The following PLAGL2 variants were observed in gnomAD, a reference collection of about 807,000 sequenced individuals.
PLAGL2 encodes the protein zinc finger protein PLAGL2.
In PLAGL2, 7 loss-of-function variants were observed where a neutral mutation model predicts 29.0. The observed-to-expected ratio is 0.24, with a 90% CI of 0.14 to 0.45. PLAGL2 has a LOEUF of 0.45. Among genes scored for constraint, PLAGL2 ranks in the 20% least tolerant of loss-of-function variants. PLAGL2 has a pLI of 0.99. For synonymous variants in PLAGL2, 234 were observed against 266.0 expected (o/e 0.88, Z 1.17); for missense variants, 454 against 648.2 (o/e 0.70, Z 3.25).
rs1211560586 is a variant in PLAGL2, at chr20:32,194,497, C to T, written c.*1955G>A. ...ATATCTGGTGTTTTTAAAAAGGTAT[C>T]CCAAGCTACCCTGCCTAAATCAAAA... On this transcript the variant is annotated 3_prime_UTR_variant, in exon 3 of 3. Coordinates refer to ENST00000246229, the MANE Select transcript of PLAGL2 (RefSeq NM_002657.3). 6.6e-6 allele frequency: 1 copy of T among 152,618 alleles called. No individual in the cohort carries two copies. The highest frequency in any genetic ancestry group is 1.5e-5 in the Non-Finnish European group (1 of 68,038). The allele number at this position is 152,618 out of a possible 1,614,324, so 9.5% of individuals were successfully genotyped here. A position where few individuals can be genotyped will look rare whatever the true frequency, so the allele number is the denominator to read the frequency against.
At chr20:32,204,498 G>A (rs921373768) in intron 1 of PLAGL2, among the ~76,000 whole-genome samples, 2 of 152,188 alleles carry the variant, frequency 1.3e-5, no homozygotes, top group Admixed American at 1.3e-4. Flanking sequence ...GCAGCCATGT[G>A]CTCACCTTGA....
intron 1 of PLAGL2, 23 bp from the exon 2 acceptor site, chr20:32,202,315 G>T: frequency 1.2e-6 from 1 of 810,172 alleles, no homozygotes; most frequent in Non-Finnish European, 2.0e-6. Context: ...AACACCTGGT[G>T]TTAGGGAGCC....
At chr20:32,198,513 A>T (rs1454904821) in intron 2 of PLAGL2, among the ~76,000 whole-genome samples, 5 of 152,100 alleles carry the variant, frequency 3.3e-5, no homozygotes, top group Non-Finnish European at 7.4e-5. Context: ...GGCAGCATGC[A>T]CCTGTAGTCC....
Position 32,202,226 on chromosome 20 carries a change from C to T in PLAGL2, c.-48G>A, listed in dbSNP as rs775683434. The T allele has an allele frequency of 1.3e-6, 2 of 1,594,476 alleles. No individual in the cohort carries two copies. The highest frequency in any genetic ancestry group is 2.7e-5 in the African/African-American group (2 of 74,526). On this transcript the variant is annotated 5_prime_UTR_variant, in exon 2 of 3. Transcript: ENST00000246229. ...CATGTTATTGAGAAAGCCTCCCCAT[C>T]CGCTCCACACAGGCTCTCAGCTCTG...
chr20:32,205,808 G>T (rs2047283472), intron 1 of PLAGL2, among the ~76,000 whole-genome samples: 1 of 152,182 alleles, frequency 6.6e-6, no homozygotes, highest in Non-Finnish European at 1.5e-5. Flanking sequence ...GTATTGAGTT[G>T]CATGTTTCCA....
intron 1 of PLAGL2, among the ~76,000 whole-genome samples, chr20:32,206,892 G>T (rs756950587): frequency 6.6e-6 from 1 of 152,186 alleles, no homozygotes; most frequent in African/African-American, 2.4e-5. Flanking sequence ...TCTGGGATGG[G>T]AAGGAAGAGC....
intron 1 of PLAGL2, among the ~76,000 whole-genome samples, chr20:32,203,835 T>C (rs957098065): frequency 3.9e-5 from 6 of 152,206 alleles, no homozygotes; most frequent in African/African-American, 7.2e-5. Context: ...CGATGTAATA[T>C]GATAAACACG....
intron 1 of PLAGL2, 38 bp downstream of exon 1, chr20:32,207,603 T>A (rs2047297072): frequency 1.3e-5 from 2 of 157,314 alleles, no homozygotes; most frequent in African/African-American, 4.8e-5. Flanking sequence ...CTCCCGCCCC[T>A]CTCCCCGCCG....
Position 32,202,172 on chromosome 20 carries a change from T to C in PLAGL2, c.7A>G (p.Thr3Ala). The C allele has an allele frequency of 1.2e-6, 2 of 1,614,070 alleles. No individual in the cohort carries two copies. The highest frequency in any genetic ancestry group is 2.2e-5 in the South Asian group (2 of 91,084). Residue 3 changes from threonine to alanine, a missense_variant, in exon 2 of 3, where the codon ACA becomes GCA. Thr to Ala is a moderately conservative substitution (Grantham distance 58). Coordinates refer to ENST00000246229, the MANE Select transcript of PLAGL2 (RefSeq NM_002657.3). MT[T>A]FFTSVPPWIQ... ...CAGGGGGGGACGCTGGTGAAAAATGTGGTCATGGCAAGGCTAATGGCAAAG... is the reference window on the plus strand; with the variant it reads ...CAGGGGGGGACGCTGGTGAAAAATGCGGTCATGGCAAGGCTAATGGCAAAG...
chr20:32,197,024 T>C lies in PLAGL2; in HGVS notation c.919A>G (p.Ser307Gly). ...ACCAGGGAGTGTGGCACGCCCGTGC[T>C]GGGCATGGTAGGGATGTGGGCACCA... ...MYGAHIPTMP[S>G]TGVPHSLVHN... The change falls in exon 3 of 3, where the codon AGC becomes GGC. Residue 307 changes from serine to glycine, a missense_variant. Transcript: ENST00000246229. The surrounding 1 kb of genome is among the most constrained non-coding windows in gnomAD (Gnocchi z 6.6). 1 of 1,614,152 alleles carries C rather than the reference T, an allele frequency of 6.2e-7. No individual in the cohort carries two copies. Among genetic ancestry groups the C allele is most frequent in the Non-Finnish European group, 8.5e-7 (1 of 1,179,980 alleles).
intron 1 of PLAGL2, among the ~76,000 whole-genome samples, chr20:32,203,928 T>C (rs957939160): frequency 2.0e-5 from 3 of 152,056 alleles, no homozygotes; most frequent in Admixed American, 2.0e-4. Context: ...TGGGGAGGGG[T>C]AGGTAGCACT....
chr20:32,201,198 T>C (rs2047257533), intron 2 of PLAGL2, among the ~76,000 whole-genome samples: 1 of 152,222 alleles, frequency 6.6e-6, no homozygotes, highest in Non-Finnish European at 1.5e-5. Context: ...CCAGAAGGTC[T>C]ACTTTTCCTT....
chr20:32,199,912 G>C (rs1600375422), intron 2 of PLAGL2, among the ~76,000 whole-genome samples: 1 of 152,214 alleles, frequency 6.6e-6, no homozygotes, highest in Admixed American at 6.5e-5. Context: ...GGAGCACACA[G>C]AGAATCTAAG....
rs1238935036 is a variant in PLAGL2 at position 32,195,226 on chromosome 20, C to A, written c.*1226G>T. The A allele has an allele frequency of 6.6e-6, 1 of 152,380 alleles. No homozygotes were observed. Among genetic ancestry groups the A allele is most frequent in the African/African-American group, 2.4e-5 (1 of 41,452 alleles). 9.4% of individuals were successfully genotyped at this position (152,380 alleles called of 1,614,324 possible). ...ACAACAATGTACCCATAGATTAGGACTTAGCTATCTACCCATTCCTAACCT... is the reference window on the plus strand; with the variant it reads ...ACAACAATGTACCCATAGATTAGGAATTAGCTATCTACCCATTCCTAACCT... On this transcript the variant is annotated 3_prime_UTR_variant, in exon 3 of 3. Coordinates refer to ENST00000246229, the MANE Select transcript of PLAGL2 (RefSeq NM_002657.3).
chr20:32,205,659 T>C (rs1414432106), intron 1 of PLAGL2, among the ~76,000 whole-genome samples: 1 of 152,210 alleles, frequency 6.6e-6, no homozygotes, highest in Non-Finnish European at 1.5e-5. Context: ...TATTAGCCTG[T>C]TTCCTCATCT....
rs1458998492 is a variant in PLAGL2, at chr20:32,195,495, T to C, written c.*957A>G. 3 of 152,694 alleles carry C rather than the reference T, an allele frequency of 2.0e-5. No individual in the cohort carries two copies. Among genetic ancestry groups the C allele is most frequent in the Non-Finnish European group, 4.4e-5 (3 of 68,054 alleles). 9.5% of individuals were successfully genotyped at this position (152,694 alleles called of 1,614,324 possible). A position where few individuals can be genotyped will look rare whatever the true frequency, so the allele number is the denominator to read the frequency against. On this transcript the variant is annotated 3_prime_UTR_variant, in exon 3 of 3. Coordinates refer to ENST00000246229, the MANE Select transcript of PLAGL2 (RefSeq NM_002657.3). ...CAAGAGAAGGATGAGGGGGTCATAA[T>C]GTACTTGGAGAAAAACAGAATTGCA... is the stretch of plus-strand genomic sequence containing the variant.
At position 32,193,978 on chromosome 20, in the gene PLAGL2, GGAAGGCAAGGA is replaced by G. The variant is rs2122525757; in HGVS notation, c.*2463_*2473del. The G allele has an allele frequency of 6.5e-6, 1 of 153,008 alleles. No homozygotes were observed. Among genetic ancestry groups the G allele is most frequent in the East Asian group, 1.9e-4 (1 of 5,194 alleles). The allele number at this position is 153,008 out of a possible 1,614,324, so 9.5% of individuals were successfully genotyped here. The stretch of plus-strand genomic sequence containing the variant: ...GATAGATGGGAGGACACAGGAGTGG[GGAAGGCAAGGA>G]GAAAAGACAGGAGGTGGGGGCAAGG... On this transcript the variant is annotated 3_prime_UTR_variant, in exon 3 of 3. Coordinates refer to ENST00000246229, the MANE Select transcript of PLAGL2 (RefSeq NM_002657.3).
chr20:32,207,168 T>C (rs745466434), intron 1 of PLAGL2, among the ~76,000 whole-genome samples: 4 of 152,162 alleles, frequency 2.6e-5, no homozygotes, highest in South Asian at 2.1e-4. Context: ...AAGGGAGTTA[T>C]GTAAGTCTGG....
chr20:32,198,874 A>G (rs529224146), intron 2 of PLAGL2, among the ~76,000 whole-genome samples: 3 of 152,356 alleles, frequency 2.0e-5, no homozygotes, highest in Middle Eastern at 3.4e-3. Context: ...ACTGCATGCC[A>G]GTATGTACCA....
Sources: allele counts gnomAD v4.1 joint callset (sites outside exome capture counted in the v4.1 genomes callset), GRCh38; gene constraint gnomAD v4.1.1; non-coding constraint Gnocchi (gnomAD v3.1); transcripts MANE v1.5; gene names NCBI Gene and HGNC (gene_info 2026-07-23, HGNC 2026-07-21).